The following TAFA2 variants were observed in gnomAD, a reference collection of about 807,000 sequenced individuals.
TAFA2 encodes the protein chemokine-like protein TAFA-2.
In TAFA2, 7 loss-of-function variants were observed where a neutral mutation model predicts 18.8. The ratio of observed to expected loss-of-function variants is 0.37; its 90% CI spans 0.21 to 0.70. The LOEUF (loss-of-function observed/expected upper bound fraction) is 0.70. Among genes scored for constraint, TAFA2 ranks in the 30% least tolerant of loss-of-function variants. The probability of loss-of-function intolerance (pLI) is 0.53; values close to 1 mark genes in which losing one functional copy is unlikely to be tolerated. For synonymous variants in TAFA2, 60 were observed against 54.2 expected (o/e 1.11, Z -0.47); for missense variants, 122 against 158.1 (o/e 0.77, Z 1.23).
intron 2 of TAFA2, among the ~76,000 whole-genome samples, chr12:61,798,347 C>A (rs1871273270): frequency 6.6e-6 from 1 of 152,060 alleles, no homozygotes; most frequent in African/African-American, 2.4e-5. Flanking sequence ...ATTTATTATA[C>A]TTTAAGTTCT....
chr12:61,908,639 A>G (rs1328916304), intron 1 of TAFA2, among the ~76,000 whole-genome samples: 1 of 152,224 alleles, frequency 6.6e-6, no homozygotes, highest in Non-Finnish European at 1.5e-5. Context: ...AGTGATATGC[A>G]GTGCTAAGAT....
chr12:61,880,966 AT>A (rs1024809804), intron 1 of TAFA2, among the ~76,000 whole-genome samples: 5 of 151,094 alleles, frequency 3.3e-5, no homozygotes, highest in South Asian at 2.1e-4. Flanking sequence ...AAAACAATTC[AT>A]TTTTTTTTCC....
Position 61,972,915 on chromosome 12 carries a change from G to T in TAFA2, c.-1-105489C>A, listed in dbSNP as rs557637153. Among the ~76,000 whole-genome samples, 8 of 151,650 alleles carry T rather than the reference G, an allele frequency of 5.3e-5. No homozygotes were observed. The South Asian group carries it at 1.7e-3, about 31-fold the overall frequency. On this transcript the variant is annotated intron_variant, in intron 1 of 4. Coordinates refer to ENST00000416284, the MANE Select transcript of TAFA2 (RefSeq NM_178539.5). Reference sequence around the variant, plus strand: ...TCACTCATTTTGCACCACAAAAACTGGTGATCTAAGTTGAGTAACTGATAC... The same window carrying T: ...TCACTCATTTTGCACCACAAAAACTTGTGATCTAAGTTGAGTAACTGATAC...
rs185755359 is a variant in TAFA2, at chr12:61,928,900, A to C, written c.-1-61474T>G. Among the ~76,000 whole-genome samples the C allele has an allele frequency of 2.0e-5, 3 of 152,256 alleles. No homozygotes were observed. In the East Asian group the frequency reaches 5.8e-4, roughly 29 times the overall value. On this transcript the variant is annotated intron_variant, in intron 1 of 4. Transcript: ENST00000416284. ...GGAAATCATCATTCTCAGCAAACTA[A>C]CACAGGAACAGAAAACCAAACATCA...
chr12:62,168,665 T>A (rs1436264414), intron 1 of TAFA2, among the ~76,000 whole-genome samples: 1 of 151,936 alleles, frequency 6.6e-6, no homozygotes, highest in Non-Finnish European at 1.5e-5. Context: ...CAAGACCCAG[T>A]CTCTAAACAA....
At chr12:61,929,384 G>T (rs1047348636) in intron 1 of TAFA2, among the ~76,000 whole-genome samples, 4 of 152,046 alleles carry the variant, frequency 2.6e-5, no homozygotes, top group African/African-American at 9.7e-5. Context: ...CATTTATGCA[G>T]CCAAAAGACA....
Position 61,755,020 on chromosome 12 carries a change from G to A in TAFA2, c.111C>T (p.His37=). 6.2e-7 allele frequency: 1 copy of A among 1,612,524 alleles called. No homozygotes were observed. ...VVSSANHHKA[H]HVKTGTCEVV... is the part of the protein sequence containing the mutation. ...CCTCACAAGTTCCCGTTTTAACATGGTGAGCTGCACAAACAAAAAAGATAA... is the reference window on the plus strand; with the variant it reads ...CCTCACAAGTTCCCGTTTTAACATGATGAGCTGCACAAACAAAAAAGATAA... Residue 37 remains histidine (H), a synonymous_variant, in exon 3 of 5, where the codon CAC becomes CAT. Coordinates refer to ENST00000416284, the MANE Select transcript of TAFA2 (RefSeq NM_178539.5).
intron 4 of TAFA2, among the ~76,000 whole-genome samples, chr12:61,714,460 A>G (rs1480490506): frequency 2.0e-5 from 3 of 152,198 alleles, no homozygotes; most frequent in Non-Finnish European, 4.4e-5. Flanking sequence ...AACATTAAGC[A>G]AAAAGTAGTA....
chr12:61,788,947 G>A (rs1870857099), intron 2 of TAFA2, among the ~76,000 whole-genome samples: 1 of 151,688 alleles, frequency 6.6e-6, no homozygotes, highest in South Asian at 2.1e-4. Flanking sequence ...CCACATAAAT[G>A]TCTTCTTTTG....
intron 1 of TAFA2, among the ~76,000 whole-genome samples, chr12:61,955,365 A>G (rs550576074): frequency 1.3e-5 from 2 of 151,696 alleles, no homozygotes; most frequent in South Asian, 2.1e-4. Flanking sequence ...GCACTTTGGG[A>G]GGCTGAGGAG....
At chr12:61,889,570 A>C (rs1469611438) in intron 1 of TAFA2, among the ~76,000 whole-genome samples, 1 of 152,256 alleles carries the variant, frequency 6.6e-6, no homozygotes, top group African/African-American at 2.4e-5. Flanking sequence ...ATGGATATCA[A>C]GCAGGAAAGA....
chr12:61,961,424 T>G (rs983405031), intron 1 of TAFA2, among the ~76,000 whole-genome samples: 2 of 152,020 alleles, frequency 1.3e-5, no homozygotes, highest in African/African-American at 4.8e-5. Context: ...TTTTTGCAGG[T>G]TAAATTATCT....
At chr12:61,730,463 C>T (rs1484015395) in intron 4 of TAFA2, among the ~76,000 whole-genome samples, 1 of 151,882 alleles carries the variant, frequency 6.6e-6, no homozygotes, top group African/African-American at 2.4e-5. Flanking sequence ...TGGGTGGGGC[C>T]GTAGAGCTCC....
chr12:62,043,481 G>A (rs934122124), intron 1 of TAFA2, among the ~76,000 whole-genome samples: 5 of 151,442 alleles, frequency 3.3e-5, no homozygotes, highest in Non-Finnish European at 5.9e-5. Context: ...GGGTAGGGGG[G>A]AGGGATAGCA....
chr12:61,730,268 C>T (rs1047858773), intron 4 of TAFA2, among the ~76,000 whole-genome samples: 3 of 152,084 alleles, frequency 2.0e-5, no homozygotes, highest in African/African-American at 4.8e-5. Flanking sequence ...ATGTTATAGG[C>T]AGTGGAATTA....
At chr12:61,887,023 T>A (rs1875413192) in intron 1 of TAFA2, among the ~76,000 whole-genome samples, 1 of 152,206 alleles carries the variant, frequency 6.6e-6, no homozygotes. Flanking sequence ...TGAAATGTGT[T>A]AAAATATATA....
At chr12:61,720,334 C>G (rs1198466170) in intron 4 of TAFA2, among the ~76,000 whole-genome samples, 2 of 152,072 alleles carry the variant, frequency 1.3e-5, no homozygotes, top group Non-Finnish European at 2.9e-5. Context: ...GCACTTTGAA[C>G]ACTAACAGAA....
intron 1 of TAFA2, among the ~76,000 whole-genome samples, chr12:61,908,374 G>A (rs1053845210): frequency 8.6e-5 from 13 of 152,006 alleles, no homozygotes; most frequent in African/African-American, 3.1e-4. Flanking sequence ...GGCACACACT[G>A]TCTTGCCTGT....
At chr12:61,905,626 A>C (rs908820247) in intron 1 of TAFA2, among the ~76,000 whole-genome samples, 3 of 152,174 alleles carry the variant, frequency 2.0e-5, no homozygotes, top group Admixed American at 6.6e-5. Context: ...GATCATTGTT[A>C]CATATATCAA....
Sources: allele counts gnomAD v4.1 joint callset (sites outside exome capture counted in the v4.1 genomes callset), GRCh38; gene constraint gnomAD v4.1.1; transcripts MANE v1.5; gene names NCBI Gene and HGNC (gene_info 2026-07-23, HGNC 2026-07-21).